DCDC1: variants seen among roughly 807,000 people sequenced by gnomAD.
DCDC1 encodes doublecortin domain containing 1.
In DCDC1, 200 loss-of-function variants were observed where a neutral mutation model predicts 178.3. The ratio of observed to expected loss-of-function variants is 1.12; its 90% CI spans 1.00 to 1.26. DCDC1 has a LOEUF of 1.26. DCDC1 is among the 50% of genes most tolerant of loss of function. DCDC1 has a pLI of 0.00. For synonymous variants in DCDC1, 690 were observed against 604.8 expected (o/e 1.14, Z -2.07); for missense variants, 1,983 against 1,749.2 (o/e 1.13, Z -2.38).
chr11:31,355,058 A>G (rs992687605), intron 1 of DCDC1, among the ~76,000 whole-genome samples: 46 of 152,130 alleles, frequency 3.0e-4, no homozygotes, highest in African/African-American at 1.1e-3. Flanking sequence ...TTTTGAGGGA[A>G]CAAGGATGCA....
At chr11:31,055,537 A>C (rs1371688145) in intron 20 of DCDC1, among the ~76,000 whole-genome samples, 1 of 152,230 alleles carries the variant, frequency 6.6e-6, no homozygotes, top group African/African-American at 2.4e-5. Flanking sequence ...TTATATGAAA[A>C]AGATTCTTGC....
intron 15 of DCDC1, among the ~76,000 whole-genome samples, chr11:31,100,765 G>A (rs1419387635): frequency 6.6e-6 from 1 of 152,206 alleles, no homozygotes; most frequent in African/African-American, 2.4e-5. Context: ...ATGAAGTCCA[G>A]ACGAAAATTC....
chr11:31,286,625 C>A (rs779571227), intron 7 of DCDC1, among the ~76,000 whole-genome samples: 1 of 151,760 alleles, frequency 6.6e-6, no homozygotes, highest in Non-Finnish European at 1.5e-5. Context: ...ATTTAGCAGA[C>A]CAGAAAAGTC....
At chr11:31,334,046 G>C (rs908457400) in intron 2 of DCDC1, among the ~76,000 whole-genome samples, 6 of 152,082 alleles carry the variant, frequency 3.9e-5, no homozygotes, top group African/African-American at 1.4e-4. Context: ...TTTTCACATA[G>C]TCCCATAATT....
chr11:31,128,415 T>C (rs1310712854), intron 10 of DCDC1, among the ~76,000 whole-genome samples: 4 of 152,140 alleles, frequency 2.6e-5, no homozygotes, highest in Non-Finnish European at 2.9e-5. Flanking sequence ...TTCACCCATA[T>C]AGTTTACAAA....
At chr11:31,258,499 G>A (rs1235052153) in intron 8 of DCDC1, among the ~76,000 whole-genome samples, 1 of 152,112 alleles carries the variant, frequency 6.6e-6, no homozygotes, top group Non-Finnish European at 1.5e-5. Flanking sequence ...TCAGAAAAGG[G>A]AACTTTCTGA....
intron 8 of DCDC1, among the ~76,000 whole-genome samples, chr11:31,261,478 A>T (rs1944779730): frequency 1.3e-5 from 2 of 152,176 alleles, no homozygotes; most frequent in African/African-American, 2.4e-5. Flanking sequence ...TGAATGAAAA[A>T]CATTTTTAAA....
chr11:31,192,990 T>G (rs1970295187), intron 9 of DCDC1, among the ~76,000 whole-genome samples: 3 of 152,066 alleles, frequency 2.0e-5, no homozygotes, highest in Non-Finnish European at 4.4e-5. Flanking sequence ...TCTCCTGCTC[T>G]CGGACATCAC....
chr11:30,917,902 C>A (rs539306042), intron 25 of DCDC1, among the ~76,000 whole-genome samples: 6 of 152,282 alleles, frequency 3.9e-5, no homozygotes, highest in Admixed American at 3.9e-4. Flanking sequence ...AGGGACAATT[C>A]CTGTGCTAGC....
At chr11:31,034,370 C>T (rs1953878948) in intron 20 of DCDC1, among the ~76,000 whole-genome samples, 1 of 151,922 alleles carries the variant, frequency 6.6e-6, no homozygotes, top group Non-Finnish European at 1.5e-5. Flanking sequence ...TTTACTGTAG[C>T]CTAAGTGAAC....
At chr11:31,315,278 T>G (rs1376425958) in intron 3 of DCDC1, among the ~76,000 whole-genome samples, 1 of 149,390 alleles carries the variant, frequency 6.7e-6, no homozygotes, top group Non-Finnish European at 1.5e-5. Context: ...TACACCACAT[T>G]GCCTTCCATA....
chr11:30,926,664 C>G (rs1251400852), intron 22 of DCDC1, among the ~76,000 whole-genome samples: 1 of 152,148 alleles, frequency 6.6e-6, no homozygotes, highest in African/African-American at 2.4e-5. Context: ...CATTCTAATA[C>G]AAAATTACAT....
intron 9 of DCDC1, among the ~76,000 whole-genome samples, chr11:31,159,457 G>A (rs1166477733): frequency 3.3e-5 from 5 of 152,054 alleles, no homozygotes; most frequent in African/African-American, 1.2e-4. Context: ...AGAGCAGGAT[G>A]TTCCTAGCTC....
At chr11:31,070,351 G>C (rs1320918846) in intron 18 of DCDC1, among the ~76,000 whole-genome samples, 4 of 152,058 alleles carry the variant, frequency 2.6e-5, no homozygotes, top group African/African-American at 9.7e-5. Context: ...AACTTCACCA[G>C]TGCATCACCC....
chr11:30,891,355 C>A (rs1034661331), intron 36 of DCDC1, among the ~76,000 whole-genome samples: 10 of 152,020 alleles, frequency 6.6e-5, no homozygotes, highest in Non-Finnish European at 1.3e-4. Flanking sequence ...TATGCTACAC[C>A]AGAGTCACAT....
chr11:30,908,857 T>G, intron 29 of DCDC1, 89 bp downstream of exon 29: 2 of 1,251,324 alleles, frequency 1.6e-6, no homozygotes, highest in Non-Finnish European at 2.1e-6. Context: ...GAACATAAAG[T>G]TTTCTAGGGA....
chr11:31,254,344 A>T (rs761942430), intron 8 of DCDC1, among the ~76,000 whole-genome samples: 18 of 152,192 alleles, frequency 1.2e-4, no homozygotes, highest in South Asian at 4.1e-4. Context: ...GCAAGATCAC[A>T]TAGTGAAGTT....
At chr11:31,339,199 T>C (rs1950420172) in intron 1 of DCDC1, among the ~76,000 whole-genome samples, 1 of 152,188 alleles carries the variant, frequency 6.6e-6, no homozygotes, top group Admixed American at 6.5e-5. Flanking sequence ...GGAATGTTTG[T>C]GGCCACCCTC....
intron 20 of DCDC1, among the ~76,000 whole-genome samples, chr11:31,024,353 C>G (rs1565194458): frequency 6.6e-6 from 1 of 151,812 alleles, no homozygotes; most frequent in South Asian, 2.1e-4. Flanking sequence ...CTACAGGTCT[C>G]ATGTTAGAAA....
Sources: allele counts gnomAD v4.1 joint callset (sites outside exome capture counted in the v4.1 genomes callset), GRCh38; gene constraint gnomAD v4.1.1; transcripts MANE v1.5; gene names NCBI Gene and HGNC (gene_info 2026-07-23, HGNC 2026-07-21).